Variants in TAF2 observed in about 807,000 individuals in gnomAD.
TAF2 encodes the protein transcription initiation factor TFIID subunit 2.
Under a neutral mutation model 138.5 loss-of-function variants are expected in TAF2, and 61 were observed. The ratio of observed to expected loss-of-function variants is 0.44; its 90% confidence interval spans 0.36 to 0.54. The LOEUF (loss-of-function observed/expected upper bound fraction) is 0.54. Among genes scored for constraint, TAF2 ranks in the 20% least tolerant of loss-of-function variants. The pLI is 0.00. For missense variants in TAF2, 1,090 were observed against 1,427.9 expected, an observed-to-expected ratio of 0.76 and a Z score of 3.81; for synonymous variants, 475 against 469.9, an observed-to-expected ratio of 1.01 and a Z score of -0.14.
At chr8:119,810,986 AATCAAATGTT>A (rs1429072742) in intron 3 of TAF2, among the ~76,000 whole-genome samples, 2 of 152,186 alleles carry the variant, frequency 1.3e-5, no homozygotes, top group Non-Finnish European at 2.9e-5. Flanking sequence ...TCAATACACA[AATCAAATGTT>A]TTCTTTCATA....
At chr8:119,789,885 A>C (rs981457033) in intron 11 of TAF2, 139 bp from the exon 12 acceptor site, 2 of 848,982 alleles carry the variant, frequency 2.4e-6, no homozygotes, top group African/African-American at 3.4e-5. Context: ...GATTATTCTA[A>C]AGACTACTAG....
At chr8:119,825,760 C>T (rs1201042621) in intron 2 of TAF2, among the ~76,000 whole-genome samples, 1 of 152,120 alleles carries the variant, frequency 6.6e-6, no homozygotes, top group Non-Finnish European at 1.5e-5. Context: ...TCTTGGCTCA[C>T]TGCAAGCTCT....
chr8:119,802,900 G>T (rs1174832358), intron 5 of TAF2, among the ~76,000 whole-genome samples: 1 of 151,940 alleles, frequency 6.6e-6, no homozygotes, highest in African/African-American at 2.4e-5. Flanking sequence ...CACTCCAGCT[G>T]GTGCAACAGG....
In TAF2 at chr8:119,788,333, C is replaced by T. The variant is rs1823173190; in HGVS notation, c.1793+5G>A. ...TTCAATTTATAGTTATTATGTAATG[C>T]CTACCTTCTACTTTTGGAATGGCAG... On this transcript the variant is annotated splice_donor_5th_base_variant and intron_variant, in intron 14 of 25. Coordinates refer to ENST00000378164, the MANE Select transcript of TAF2 (RefSeq NM_003184.4). 1 of 1,606,086 alleles carries T rather than the reference C, an allele frequency of 6.2e-7. No homozygotes were observed. The highest frequency in any genetic ancestry group is 1.3e-5 in the African/African-American group (1 of 74,844).
chr8:119,744,030 G>A (rs550698507), intron 24 of TAF2, among the ~76,000 whole-genome samples: 1 of 152,082 alleles, frequency 6.6e-6, no homozygotes, highest in Non-Finnish European at 1.5e-5. Context: ...AGAGAAATCA[G>A]AGCTACTAGA....
intron 18 of TAF2, among the ~76,000 whole-genome samples, chr8:119,774,497 T>G (rs968005928): frequency 1.3e-4 from 20 of 151,736 alleles, no homozygotes; most frequent in Non-Finnish European, 2.8e-4. Flanking sequence ...TGCAATTTTT[T>G]TTTTTTTTTA....
At chr8:119,795,430 A>G (rs894561174) in intron 9 of TAF2, 102 bp downstream of exon 9, 1 of 1,016,838 alleles carries the variant, frequency 9.8e-7, no homozygotes, top group Non-Finnish European at 1.5e-6. Context: ...TTTTGCTGGG[A>G]AAAATTAGGG....
Position 119,819,480 on chromosome 8 carries a change from G to T in TAF2, c.165C>A (p.Pro55=). 1 of 1,608,852 alleles carries T rather than the reference G, an allele frequency of 6.2e-7. No individual in the cohort carries two copies. Residue 55 remains proline, a synonymous_variant, in exon 3 of 26, where the codon CCC becomes CCA. Coordinates refer to ENST00000378164, the MANE Select transcript of TAF2 (RefSeq NM_003184.4). ...TGATTCTATTCAAGTTTGCAACTGT[G>T]GGAAATATAGTCAGTTCCACAAATC... ...VVGFVELTIF[P]TVANLNRIKL...
At chr8:119,737,587 C>A (rs1359373229) in intron 25 of TAF2, among the ~76,000 whole-genome samples, 1 of 150,468 alleles carries the variant, frequency 6.6e-6, no homozygotes, top group East Asian at 2.0e-4. Context: ...TGGCTTACTA[C>A]AACCTCTGCT....
intron 18 of TAF2, among the ~76,000 whole-genome samples, chr8:119,772,307 A>G (rs1434974117): frequency 1.3e-5 from 2 of 152,240 alleles, no homozygotes; most frequent in African/African-American, 4.8e-5. Context: ...GTGCAGCAAC[A>G]TGACTGCAGT....
At chr8:119,803,138 G>C (rs1824378607) in intron 5 of TAF2, among the ~76,000 whole-genome samples, 1 of 152,022 alleles carries the variant, frequency 6.6e-6, no homozygotes, top group Non-Finnish European at 1.5e-5. Context: ...AAGCAGAGTT[G>C]AGTAGTAGAA....
At chr8:119,825,790 T>G (rs1266189826) in intron 2 of TAF2, among the ~76,000 whole-genome samples, 1 of 152,072 alleles carries the variant, frequency 6.6e-6, no homozygotes, top group Non-Finnish European at 1.5e-5. Flanking sequence ...GTTCACACCA[T>G]TCTCCTGCCT....
At chr8:119,816,510 G>A (rs931506199) in intron 3 of TAF2, among the ~76,000 whole-genome samples, 8 of 152,154 alleles carry the variant, frequency 5.3e-5, no homozygotes, top group Non-Finnish European at 1.0e-4. Flanking sequence ...CACGGAATTT[G>A]ATGTTTCACT....
At chr8:119,826,794 T>C (rs532666796) in intron 2 of TAF2, among the ~76,000 whole-genome samples, 1 of 152,302 alleles carries the variant, frequency 6.6e-6, no homozygotes, top group South Asian at 2.1e-4. Flanking sequence ...GGTTTCACCA[T>C]GTTGGCCGGT....
At chr8:119,738,002 C>T (rs1250651058) in intron 25 of TAF2, among the ~76,000 whole-genome samples, 1 of 151,932 alleles carries the variant, frequency 6.6e-6, no homozygotes, top group Non-Finnish European at 1.5e-5. Context: ...CCTATCATCA[C>T]CAACAACCTT....
intron 2 of TAF2, among the ~76,000 whole-genome samples, chr8:119,824,424 G>A (rs377115824): frequency 0.015 from 1,625 of 109,932 alleles, 30 homozygotes; most frequent in African/African-American, 0.054. Context: ...GTGAGACTCC[G>A]TCTCAAAAAA....
At chr8:119,779,138 T>C (rs1822465916) in intron 17 of TAF2, among the ~76,000 whole-genome samples, 1 of 152,062 alleles carries the variant, frequency 6.6e-6, no homozygotes, top group Non-Finnish European at 1.5e-5. Flanking sequence ...TCTCTCTCTC[T>C]CCTGTCCACT....
rs934049913 is a variant in TAF2 at position 119,818,747 on chromosome 8, C to G, written c.299+599G>C. ...AAAATGAAGTCCACACACACACACA[C>G]ACACACACACACACACACACAGAAA... On this transcript the variant is annotated intron_variant, in intron 3 of 25. Transcript: ENST00000378164. Among the ~76,000 whole-genome samples, 146 of 141,640 alleles carry G rather than the reference C, an allele frequency of 1.0e-3. 1 individual carries two copies. Among genetic ancestry groups the G allele is most frequent in the Non-Finnish European group, 1.6e-3 (105 of 66,326 alleles). 92.9% of individuals were successfully genotyped at this position (141,640 alleles called of 152,430 possible). A position where few individuals can be genotyped will look rare whatever the true frequency, so the allele number is the denominator to read the frequency against.
At position 119,762,786 on chromosome 8, in the gene TAF2, GA is replaced by G. The variant is rs1821156983; in HGVS notation, c.2365-179del. ...CATGTGGTCACTCTGAAAACAGTAA[GA>G]GATTCACTATAACAATACATTAGTT... On this transcript the variant is annotated intron_variant, in intron 18 of 25. Coordinates refer to ENST00000378164, the MANE Select transcript of TAF2 (RefSeq NM_003184.4). The G allele has an allele frequency of 5.3e-6, 3 of 562,000 alleles. No individual in the cohort carries two copies. In the South Asian group the frequency reaches 6.7e-5, roughly 13 times the overall value. 34.8% of individuals were successfully genotyped at this position (562,000 alleles called of 1,614,324 possible).
Sources: allele counts gnomAD v4.1 joint callset (sites outside exome capture counted in the v4.1 genomes callset), GRCh38; gene constraint gnomAD v4.1.1; transcripts MANE v1.5; gene names NCBI Gene and HGNC (gene_info 2026-07-23, HGNC 2026-07-21).